The following VPS13D variants were observed in gnomAD, a reference collection of about 807,000 sequenced individuals.
The protein encoded by VPS13D is intermembrane lipid transfer protein VPS13D.
VPS13D carries 187 observed loss-of-function variants against 461.9 expected under a neutral mutation model. That is an observed-to-expected ratio of 0.40 (90% confidence interval 0.36 to 0.46). VPS13D has a LOEUF of 0.46. Among genes scored for constraint, VPS13D ranks in the 20% least tolerant of loss-of-function variants. VPS13D has a pLI of 0.60. For synonymous variants in VPS13D, 1,951 were observed against 1,986.3 expected (o/e 0.98, Z 0.47); for missense variants, 4,711 against 5,364.9 (o/e 0.88, Z 3.81).
intron 50 of VPS13D, among the ~76,000 whole-genome samples, chr1:12,360,155 A>G (rs1455010445): frequency 6.6e-6 from 1 of 152,212 alleles, no homozygotes; most frequent in Non-Finnish European, 1.5e-5. Context: ...GAGGGCTAAG[A>G]CTGTGATTTA....
chr1:12,436,544 G>A (rs1645063274), intron 65 of VPS13D, among the ~76,000 whole-genome samples: 1 of 152,162 alleles, frequency 6.6e-6, no homozygotes, highest in Non-Finnish European at 1.5e-5. Context: ...CCCACCACGT[G>A]AATTTAAAGG....
chr1:12,256,434 G>A lies in VPS13D; in HGVS notation c.771G>A (p.Leu257=). 1 of 1,614,174 alleles carries A rather than the reference G, an allele frequency of 6.2e-7. No homozygotes were observed. Among genetic ancestry groups the A allele is most frequent in the Non-Finnish European group, 8.5e-7 (1 of 1,180,026 alleles). ...AGAGAAACTGCTCCAAGAAGCCCCT[G>A]CGGTCTCGGCACAGTCCCCGTATTG... is the stretch of plus-strand genomic sequence containing the variant. ...LLKRNCSKKP[L]RSRHSPRIDC... is the part of the protein sequence containing the mutation. The change falls in exon 8 of 70, where the codon CTG becomes CTA. Residue 257 remains leucine, a synonymous_variant. Coordinates refer to ENST00000620676, the MANE Select transcript of VPS13D (RefSeq NM_015378.4).
chr1:12,449,373 A>C (rs1645232943), intron 65 of VPS13D, among the ~76,000 whole-genome samples: 1 of 151,628 alleles, frequency 6.6e-6, no homozygotes, highest in East Asian at 1.9e-4. Context: ...CCTTCTTGCC[A>C]AACCTCAACT....
rs772451408 is a variant in VPS13D at position 12,293,536 on chromosome 1, T to A, written c.5865T>A (p.Pro1955=). ...LIFQTFKYGR[P]DPLLRREHDI... is the part of the protein sequence containing the mutation. ...TCCTAATTTTTAGATACGGACGGCC[T>A]GACCCTCTGCTCCGGAGAGAACACG... is the stretch of plus-strand genomic sequence containing the variant. Residue 1955 remains proline (P), a synonymous_variant, in exon 24 of 70, where the codon CCT becomes CCA. Transcript: ENST00000620676. The A allele has an allele frequency of 2.5e-6, 4 of 1,607,934 alleles. No individual in the cohort carries two copies. The African/African-American group carries it at 5.4e-5, about 22-fold the overall frequency.
At chr1:12,298,138 C>T (rs948240434) in intron 24 of VPS13D, among the ~76,000 whole-genome samples, 12 of 152,082 alleles carry the variant, frequency 7.9e-5, no homozygotes, top group African/African-American at 2.9e-4. Context: ...AATCCCTATA[C>T]CTCTTTGAGG....
At chr1:12,289,436 CAA>C (rs1642061761) in intron 22 of VPS13D, among the ~76,000 whole-genome samples, 1 of 151,818 alleles carries the variant, frequency 6.6e-6, no homozygotes, top group Non-Finnish European at 1.5e-5. Flanking sequence ...TCCTAATTAT[CAA>C]AGATTACAAA....
At chr1:12,492,995 G>A (rs967697334) in intron 67 of VPS13D, among the ~76,000 whole-genome samples, 34 of 151,362 alleles carry the variant, frequency 2.2e-4, no homozygotes, top group Middle Eastern at 6.9e-3. Context: ...TCAGAACAGC[G>A]GCTGCCTTAG....
At chr1:12,478,953 G>A (rs894147815) in intron 67 of VPS13D, 4 of 452,570 alleles carry the variant, frequency 8.8e-6, no homozygotes, top group African/African-American at 6.0e-5. Flanking sequence ...CTCGAAAGCT[G>A]TTAATAGCCT....
At chr1:12,243,102 A>G (rs1640434214) in intron 3 of VPS13D, among the ~76,000 whole-genome samples, 1 of 151,342 alleles carries the variant, frequency 6.6e-6, no homozygotes, top group Non-Finnish European at 1.5e-5. Context: ...ACAGGTGTGC[A>G]CCACCATGCC....
At chr1:12,235,109 G>T (rs1640102548) in intron 2 of VPS13D, among the ~76,000 whole-genome samples, 1 of 152,208 alleles carries the variant, frequency 6.6e-6, no homozygotes, top group Non-Finnish European at 1.5e-5. Flanking sequence ...AAGAAAGTCA[G>T]TTTGCCACGT....
At position 12,356,095 on chromosome 1, in the gene VPS13D, A is replaced by C. The variant is rs1643883616; in HGVS notation, c.9871+5A>C. On this transcript the variant is annotated splice_donor_5th_base_variant and intron_variant, in intron 48 of 69. Coordinates refer to ENST00000620676, the MANE Select transcript of VPS13D (RefSeq NM_015378.4). Reference sequence around the variant, plus strand: ...ATTGGCTGATTAACAAAACAGGTACATACAGGGGCTGCTCAAGTAGGTCTT... The same window carrying C: ...ATTGGCTGATTAACAAAACAGGTACCTACAGGGGCTGCTCAAGTAGGTCTT... 6.3e-7 allele frequency: 1 copy of C among 1,594,450 alleles called. No individual in the cohort carries two copies. Among genetic ancestry groups the C allele is most frequent in the South Asian group, 1.1e-5 (1 of 89,252 alleles).
At chr1:12,255,071 G>C (rs1640872560) in intron 7 of VPS13D, among the ~76,000 whole-genome samples, 1 of 151,754 alleles carries the variant, frequency 6.6e-6, no homozygotes, top group Admixed American at 6.6e-5. Flanking sequence ...TCAGCCTCCT[G>C]AGTAGCTGGG....
At chr1:12,390,934 A>G (rs969658212) in intron 60 of VPS13D, among the ~76,000 whole-genome samples, 8 of 152,164 alleles carry the variant, frequency 5.3e-5, no homozygotes, top group Non-Finnish European at 1.2e-4. Flanking sequence ...CTTAGTTGTT[A>G]AAATCCTCCT....
In VPS13D at chr1:12,261,991, A is replaced by G; in HGVS notation, c.1505A>G (p.Gln502Arg). 6.2e-7 allele frequency: 1 copy of G among 1,614,158 alleles called. No homozygotes were observed. The highest frequency in any genetic ancestry group is 8.5e-7 in the Non-Finnish European group (1 of 1,180,024). The change falls in exon 13 of 70, where the codon CAG (glutamine) becomes CGG (arginine). Residue 502 changes from glutamine to arginine, a missense_variant. Physicochemically the swap from Gln to Arg is conservative, Grantham distance 43. Transcript: ENST00000620676. ...CATGTCTTTGCCAAACTGAATTTGC[A>G]GTTGCAGCGAGGTACAGTGACTCTG... is the stretch of plus-strand genomic sequence containing the variant. ...RDHVFAKLNL[Q>R]LQRGTVTLLH...
chr1:12,343,492 T>G (rs1028781286), intron 42 of VPS13D, among the ~76,000 whole-genome samples: 7 of 152,144 alleles, frequency 4.6e-5, no homozygotes, highest in African/African-American at 1.7e-4. Context: ...TTTTAATGTC[T>G]TCTTTTTAAA....
Position 12,511,880 on chromosome 1 carries a change from G to A in VPS13D, c.*2856G>A, listed in dbSNP as rs1646187589. ...CACTTTGTTTGTAAGTATGATCTGG[G>A]CCTCAAAATACCATAGTAGCTGCTT... On this transcript the variant is annotated 3_prime_UTR_variant, in exon 70 of 70. Transcript: ENST00000620676. The surrounding 1 kb of genome is among the most constrained non-coding windows in gnomAD (Gnocchi z 4.5). 6.6e-6 allele frequency: 1 copy of A among 152,168 alleles called. No homozygotes were observed. The highest frequency in any genetic ancestry group is 1.5e-5 in the Non-Finnish European group (1 of 68,040). 9.4% of individuals were successfully genotyped at this position (152,168 alleles called of 1,614,324 possible).
intron 65 of VPS13D, among the ~76,000 whole-genome samples, chr1:12,453,175 A>G (rs1326373012): frequency 6.6e-6 from 1 of 152,150 alleles, no homozygotes; most frequent in African/African-American, 2.4e-5. Flanking sequence ...AGCTTTTGGC[A>G]TAGGCTCACT....
At chr1:12,427,910 G>A (rs1340728821) in intron 65 of VPS13D, among the ~76,000 whole-genome samples, 3 of 152,192 alleles carry the variant, frequency 2.0e-5, no homozygotes, top group Non-Finnish European at 4.4e-5. Flanking sequence ...GGAGAAAAAT[G>A]TATCTTTCCC....
chr1:12,500,912 G>C (rs371155981), intron 68 of VPS13D, among the ~76,000 whole-genome samples: 1 of 151,594 alleles, frequency 6.6e-6, no homozygotes, highest in East Asian at 2.0e-4. Context: ...AAGTTAGCCG[G>C]GCATGGTGGC....
Sources: allele counts gnomAD v4.1 joint callset (sites outside exome capture counted in the v4.1 genomes callset), GRCh38; gene constraint gnomAD v4.1.1; non-coding constraint Gnocchi (gnomAD v3.1); transcripts MANE v1.5; gene names NCBI Gene and HGNC (gene_info 2026-07-23, HGNC 2026-07-21).